RBM43: variants seen among roughly 807,000 people sequenced by gnomAD.
RBM43 encodes the protein RNA binding motif protein 43, also known as RNA-binding protein 43.
A neutral mutation model predicts 12.4 loss-of-function variants in RBM43; 12 were observed. That is an observed-to-expected ratio of 0.97 (90% CI 0.62 to 1.57). The LOEUF is 1.57. Among genes scored for constraint, RBM43 ranks in the 40% most tolerant of loss-of-function variants. The pLI is 0.00. For missense variants in RBM43, 348 were observed against 400.1 expected (o/e 0.87, Z 1.11); for synonymous variants, 138 against 145.7 (o/e 0.95, Z 0.38).
intron 2 of RBM43, among the ~76,000 whole-genome samples, chr2:151,253,139 CAAG>C (rs1682927109): frequency 6.6e-6 from 1 of 152,190 alleles, no homozygotes; most frequent in Admixed American, 6.5e-5. Context: ...ATTCTAGTCA[CAAG>C]AAGACTTTAC....
intron 1 of RBM43, among the ~76,000 whole-genome samples, chr2:151,259,857 CTTGTTTT>C (rs1683024545): frequency 6.7e-6 from 1 of 148,702 alleles, no homozygotes; most frequent in Non-Finnish European, 1.5e-5. Context: ...TTTTTCTTTT[CTTGTTTT>C]TTGTTTGTTT....
At chr2:151,252,888 T>C (rs774798673) in intron 2 of RBM43, 33 bp from the exon 3 acceptor site, 3 of 1,042,260 alleles carry the variant, frequency 2.9e-6, no homozygotes, top group Non-Finnish European at 4.4e-6. Context: ...GAAGTGTTTA[T>C]GGCATGATAC....
intron 1 of RBM43, among the ~76,000 whole-genome samples, chr2:151,258,841 T>A (rs1252532642): frequency 6.6e-6 from 1 of 152,076 alleles, no homozygotes; most frequent in East Asian, 1.9e-4. Context: ...TGCATGATTT[T>A]AAGTAAATTA....
Position 151,251,201 on chromosome 2 carries a change from C to A in RBM43, c.779G>T (p.Cys260Phe), listed in dbSNP as rs769063386. 1.1e-4 allele frequency: 181 copies of A among 1,613,780 alleles called. No individual in the cohort carries two copies. The highest frequency in any genetic ancestry group is 1.5e-4 in the Non-Finnish European group (173 of 1,180,024). ...AGAACCAACTTGAATGCTTTTTAGA[C>A]AAATTGTGGTGATTTCACCATCCAC... ...EKVDGEITTI[C>F]LKSIQVGSQP... Residue 260 changes from cysteine to phenylalanine, a missense_variant, in exon 4 of 4, where the codon TGT becomes TTT. Coordinates refer to ENST00000331426, the MANE Select transcript of RBM43 (RefSeq NM_198557.3).
chr2:151,253,413 G>A (rs994116166), intron 2 of RBM43, among the ~76,000 whole-genome samples: 1 of 152,120 alleles, frequency 6.6e-6, no homozygotes, highest in Non-Finnish European at 1.5e-5. Flanking sequence ...TCTGCCTGTA[G>A]AACTCTCTAC....
At chr2:151,252,008 C>T (rs1248842496) in intron 3 of RBM43, among the ~76,000 whole-genome samples, 1 of 152,192 alleles carries the variant, frequency 6.6e-6, no homozygotes, top group Non-Finnish European at 1.5e-5. Flanking sequence ...ATTCCTGCCC[C>T]CAGTCAAGTT....
At position 151,247,944 on chromosome 2, in the gene RBM43, G is replaced by C. The variant is rs571587342; in HGVS notation, c.*2962C>G. 1 of 152,148 alleles carries C rather than the reference G, an allele frequency of 6.6e-6. No homozygotes were observed. Among genetic ancestry groups the C allele is most frequent in the East Asian group, 1.9e-4 (1 of 5,186 alleles). 9.4% of individuals were successfully genotyped at this position (152,148 alleles called of 1,614,324 possible). A position where few individuals can be genotyped will look rare whatever the true frequency, so the allele number is the denominator to read the frequency against. Reference sequence around the variant, plus strand: ...ACACATTTAAACACATATACATAAAGATATTAAAACTTTTATTTTAGAATT... The same window carrying C: ...ACACATTTAAACACATATACATAAACATATTAAAACTTTTATTTTAGAATT... On this transcript the variant is annotated 3_prime_UTR_variant, in exon 4 of 4. Transcript: ENST00000331426.
At chr2:151,251,781 T>A (rs769854407) in intron 3 of RBM43, 117 bp from the exon 4 acceptor site, 1 of 993,776 alleles carries the variant, frequency 1.0e-6, no homozygotes, top group Non-Finnish European at 1.5e-6. Flanking sequence ...CAGGCCCCAG[T>A]TGCCTGCCCC....
At chr2:151,260,156 C>T (rs1459315526) in intron 1 of RBM43, among the ~76,000 whole-genome samples, 2 of 149,374 alleles carry the variant, frequency 1.3e-5, no homozygotes, top group Admixed American at 6.6e-5. Flanking sequence ...GACAGCGCCT[C>T]GCTCTGTTGC....
Position 151,251,578 on chromosome 2 carries a change from T to G in RBM43, c.402A>C (p.Lys134Asn). The change falls in exon 4 of 4, where the codon AAA becomes AAC. Residue 134 changes from lysine to asparagine, a missense_variant. Physicochemically the swap from Lys to Asn is moderately conservative, Grantham distance 94. Transcript: ENST00000331426. ...TLETLVKDLK[K>N]KIPSLSFSPL... ...GACTGAAGCTTAAACTCGGGATTTT[T>G]TTTTTCAGGTCTTTTACCAGAGTTT... The G allele has an allele frequency of 1.2e-6, 2 of 1,614,210 alleles. No homozygotes were observed. The highest frequency in any genetic ancestry group is 1.7e-6 in the Non-Finnish European group (2 of 1,180,032).
chr2:151,249,207 T>C lies in RBM43; in HGVS notation c.*1699A>G, dbSNP rs928062783. 1 of 152,192 alleles carries C rather than the reference T, an allele frequency of 6.6e-6. No homozygotes were observed. The highest frequency in any genetic ancestry group is 1.5e-5 in the Non-Finnish European group (1 of 68,034). The allele number at this position is 152,192 out of a possible 1,614,324, so 9.4% of individuals were successfully genotyped here. The stretch of plus-strand genomic sequence containing the variant: ...GAGGTGAGTCAGCTTTGTATCCCAC[T>C]TCTGACACCATGCATGTCAAAGTCA... On this transcript the variant is annotated 3_prime_UTR_variant, in exon 4 of 4. Coordinates refer to ENST00000331426, the MANE Select transcript of RBM43 (RefSeq NM_198557.3).
intron 2 of RBM43, among the ~76,000 whole-genome samples, chr2:151,254,462 T>G (rs530886600): frequency 2.0e-5 from 3 of 152,178 alleles, no homozygotes; most frequent in African/African-American, 7.2e-5. Flanking sequence ...ACTTAATTAA[T>G]GGTGACAGCT....
At chr2:151,252,721 G>A in intron 3 of RBM43, 34 bp downstream of exon 3, 2 of 1,146,690 alleles carry the variant, frequency 1.7e-6, no homozygotes, top group Non-Finnish European at 2.6e-6. Flanking sequence ...ATGGGATACA[G>A]GACTATCAGT....
chr2:151,254,009 T>C (rs1259484487), intron 2 of RBM43, among the ~76,000 whole-genome samples: 7 of 152,214 alleles, frequency 4.6e-5, no homozygotes, highest in Non-Finnish European at 1.0e-4. Flanking sequence ...CTTTCCGTCA[T>C]ATTCTATCCC....
chr2:151,257,959 C>G (rs1682995566), intron 1 of RBM43, among the ~76,000 whole-genome samples: 1 of 152,018 alleles, frequency 6.6e-6, no homozygotes, highest in Non-Finnish European at 1.5e-5. Context: ...AATCCAGCTA[C>G]TCAGGAGGCT....
chr2:151,255,447 T>A (rs149423376), intron 2 of RBM43, 86 bp downstream of exon 2: 2 of 960,642 alleles, frequency 2.1e-6, no homozygotes, highest in South Asian at 3.0e-5. Flanking sequence ...AATTTACCAA[T>A]TCCGTGGATC....
At position 151,257,853 on chromosome 2, in the gene RBM43, T is replaced by C. The variant is rs1334079076; in HGVS notation, c.4-2110A>G. On this transcript the variant is annotated intron_variant, in intron 1 of 3. Transcript: ENST00000331426. ...GGGAGGCCAAGGCTGGTGGATCACC[T>C]GAGGTCAGGAGTTCTAGACCAGCCT... Among the ~76,000 whole-genome samples the C allele has an allele frequency of 2.0e-5, 3 of 152,170 alleles. No individual in the cohort carries two copies. In the East Asian group the frequency reaches 5.8e-4, roughly 29 times the overall value.
chr2:151,261,519 G>C, intron 1 of RBM43: 1 of 1,549,100 alleles, frequency 6.5e-7, no homozygotes, highest in Non-Finnish European at 8.7e-7. Context: ...CCTGGGAAGG[G>C]TGCAGCGAGG....
chr2:151,259,199 G>A (rs970560289), intron 1 of RBM43, among the ~76,000 whole-genome samples: 1 of 151,892 alleles, frequency 6.6e-6, no homozygotes, highest in Non-Finnish European at 1.5e-5. Flanking sequence ...CCCATTTGCT[G>A]GGAACATTTT....
Sources: allele counts gnomAD v4.1 joint callset (sites outside exome capture counted in the v4.1 genomes callset), GRCh38; gene constraint gnomAD v4.1.1; transcripts MANE v1.5; gene names NCBI Gene and HGNC (gene_info 2026-07-23, HGNC 2026-07-21).